Variants in NUP155 observed in about 807,000 individuals in gnomAD.
NUP155 encodes the protein nucleoporin 155.
A neutral mutation model predicts 180.4 loss-of-function variants in NUP155; 71 were observed. That is an observed-to-expected ratio of 0.39 (90% CI 0.33 to 0.48). The LOEUF is 0.48. Ranked by LOEUF, NUP155 falls within the 20% of genes least tolerant of loss-of-function variation. The probability of loss-of-function intolerance (pLI) is 0.91; values close to 1 mark genes in which losing one functional copy is unlikely to be tolerated. For synonymous variants in NUP155, 582 were observed against 559.5 expected, an observed-to-expected ratio of 1.04 and a Z score of -0.57; for missense variants, 1,553 against 1,648.9, an observed-to-expected ratio of 0.94 and a Z score of 1.01.
intron 24 of NUP155, 128 bp from the exon 25 acceptor site, chr5:37,307,560 A>G: frequency 1.1e-6 from 1 of 893,844 alleles, no homozygotes; most frequent in Non-Finnish European, 1.8e-6. Flanking sequence ...CTGCTAACAT[A>G]AAATATTTCT....
At chr5:37,308,437 A>G (rs1743305963) in intron 24 of NUP155, among the ~76,000 whole-genome samples, 1 of 151,784 alleles carries the variant, frequency 6.6e-6, no homozygotes, top group Admixed American at 6.6e-5. Flanking sequence ...GGTGGCTCAC[A>G]CCTGTAATCC....
chr5:37,326,488 A>G (rs182746949), intron 18 of NUP155, among the ~76,000 whole-genome samples: 171 of 152,282 alleles, frequency 1.1e-3, no homozygotes, highest in Non-Finnish European at 1.8e-3. Context: ...GGCCAAGTGA[A>G]TAAGGCGGAA....
chr5:37,295,893 G>A (rs1298300571), intron 32 of NUP155, among the ~76,000 whole-genome samples: 15 of 141,718 alleles, frequency 1.1e-4, no homozygotes, highest in African/African-American at 3.6e-4. Context: ...TCAGCCCCCC[G>A]CCTGGCCAGC....
chr5:37,351,293 G>C lies in NUP155; in HGVS notation c.620C>G (p.Ser207Cys). 2 of 1,611,840 alleles carry C rather than the reference G, an allele frequency of 1.2e-6. No individual in the cohort carries two copies. The highest frequency in any genetic ancestry group is 4.5e-5 in the East Asian group (2 of 44,816). ...AAGGTAAGTATTATCAGTAGGAAGAGAATATAAAGGATCTGGAAGCAACTG... is the reference window on the plus strand; with the variant it reads ...AAGGTAAGTATTATCAGTAGGAAGACAATATAAAGGATCTGGAAGCAACTG... ...GMQLLPDPLYSLPTDNTYLLT... is the reference protein window; with the variant it reads ...GMQLLPDPLYCLPTDNTYLLT... The change falls in exon 6 of 35, where the codon TCT (serine) becomes TGT (cysteine). Residue 207 changes from serine to cysteine, a missense_variant. Ser to Cys is a moderately radical substitution (Grantham distance 112, BLOSUM62 -1). Coordinates refer to ENST00000231498, the MANE Select transcript of NUP155 (RefSeq NM_153485.3).
chr5:37,370,599 G>A (rs1747896483), intron 1 of NUP155: 3 of 1,369,902 alleles, frequency 2.2e-6, no homozygotes, highest in South Asian at 1.5e-5. Flanking sequence ...TGCTTCAACT[G>A]GGAGCTTGCT....
At chr5:37,294,574 A>G (rs1006120277) in intron 32 of NUP155, 109 bp from the exon 33 acceptor site, 5 of 1,135,512 alleles carry the variant, frequency 4.4e-6, no homozygotes, top group Non-Finnish European at 6.4e-6. Context: ...CTGAAATCCA[A>G]TTGCAATTTT....
intron 23 of NUP155, 164 bp from the exon 24 acceptor site, chr5:37,309,431 G>A (rs1320139121): frequency 1.6e-6 from 1 of 628,074 alleles, no homozygotes; most frequent in African/African-American, 1.8e-5. Context: ...AAAAGTTTTT[G>A]ACCAAAGATT....
At chr5:37,347,021 A>G (rs1295103257) in intron 9 of NUP155, among the ~76,000 whole-genome samples, 1 of 152,076 alleles carries the variant, frequency 6.6e-6, no homozygotes, top group African/African-American at 2.4e-5. Context: ...TGAGTCCAGG[A>G]GTTCAAGACC....
At chr5:37,357,399 C>CAAAAAAAAAAAAAAAA in intron 4 of NUP155, among the ~76,000 whole-genome samples, 1 of 31,300 alleles carries the variant, frequency 3.2e-5, no homozygotes, top group Admixed American at 5.8e-4. Context: ...ACCTTAATCT[C>CAAAAAAAAAAAAAAAA]AAAAAAAAAA....
At chr5:37,339,293 A>G (rs529239351) in intron 11 of NUP155, among the ~76,000 whole-genome samples, 183 of 148,120 alleles carry the variant, frequency 1.2e-3, no homozygotes, top group African/African-American at 4.2e-3. Context: ...CTTGGGTGAC[A>G]GTAGACACTG....
At chr5:37,333,960 C>A (rs575813963) in intron 12 of NUP155, among the ~76,000 whole-genome samples, 2 of 151,924 alleles carry the variant, frequency 1.3e-5, no homozygotes, top group Admixed American at 1.3e-4. Flanking sequence ...TGTCACCACG[C>A]CCAGCTAATT....
intron 20 of NUP155, among the ~76,000 whole-genome samples, chr5:37,322,949 G>A (rs1211220364): frequency 6.6e-6 from 1 of 151,338 alleles, no homozygotes; most frequent in Non-Finnish European, 1.5e-5. Flanking sequence ...CTCCAGCCTG[G>A]GCGACAAGAG....
In NUP155 at chr5:37,342,653, G is replaced by T. The variant is rs374547686; in HGVS notation, c.996-7C>A. 3 of 1,548,030 alleles carry T rather than the reference G, an allele frequency of 1.9e-6. No individual in the cohort carries two copies. The Admixed American group carries it at 5.0e-5, about 26-fold the overall frequency. The stretch of plus-strand genomic sequence containing the variant: ...AACAGAACGATCGATGGTCCTAAAA[G>T]AAAGGAGAAAATAAAGTGTATTTTT... On this transcript the variant is annotated splice_polypyrimidine_tract_variant and splice_region_variant and intron_variant, in intron 9 of 34. Transcript: ENST00000231498.
At position 37,290,103 on chromosome 5, in the gene NUP155, T is replaced by C. The variant is rs1261205757; in HGVS notation, c.*1797A>G. 3.9e-5 allele frequency: 6 copies of C among 152,280 alleles called. No individual in the cohort carries two copies. In the South Asian group the frequency reaches 8.3e-4, roughly 21 times the overall value. The allele number at this position is 152,280 out of a possible 1,614,324, so 9.4% of individuals were successfully genotyped here. On this transcript the variant is annotated 3_prime_UTR_variant, in exon 35 of 35. Coordinates refer to ENST00000231498, the MANE Select transcript of NUP155 (RefSeq NM_153485.3). ...AAAGACAATAATGGAAGGAAAAATA[T>C]ATTCAAAATGTATTGTACAAATTGT...
intron 9 of NUP155, among the ~76,000 whole-genome samples, chr5:37,346,334 C>T (rs1422301811): frequency 6.6e-6 from 1 of 151,906 alleles, no homozygotes; most frequent in African/African-American, 2.4e-5. Flanking sequence ...AATCTAGGCA[C>T]AATGACAATA....
In NUP155 at chr5:37,304,808, C is replaced by T. The variant is rs746982345; in HGVS notation, c.3093G>A (p.Lys1031=). The T allele has an allele frequency of 6.2e-7, 1 of 1,613,978 alleles. No homozygotes were observed. Among genetic ancestry groups the T allele is most frequent in the Non-Finnish European group, 8.5e-7 (1 of 1,179,948 alleles). ...EQMLKLSQRS[K]DELFSIALYN... ...AAAGGGCAATACTAAAGAGCTCATC[C>T]TTGGATCGCTGTGACAATTTAAGCA... Residue 1031 remains lysine (K), a synonymous_variant, in exon 27 of 35, where the codon AAG becomes AAA. Coordinates refer to ENST00000231498, the MANE Select transcript of NUP155 (RefSeq NM_153485.3).
chr5:37,331,535 T>C (rs190783758), intron 14 of NUP155, 150 bp downstream of exon 14: 213 of 425,622 alleles, frequency 5.0e-4, no homozygotes, highest in South Asian at 6.6e-4. Flanking sequence ...GATTGCGCCA[T>C]TGCACTCCTG....
At chr5:37,340,277 C>T (rs951182478) in intron 11 of NUP155, among the ~76,000 whole-genome samples, 1 of 151,868 alleles carries the variant, frequency 6.6e-6, no homozygotes, top group Admixed American at 6.6e-5. Flanking sequence ...CCTATCTCTA[C>T]AAAAAGTACA....
Position 37,333,454 on chromosome 5 carries a change from C to G in NUP155, c.1518+9G>C, listed in dbSNP as rs368724959. 8 of 1,612,100 alleles carry G rather than the reference C, an allele frequency of 5.0e-6. No individual in the cohort carries two copies. The South Asian group carries it at 6.6e-5, about 13-fold the overall frequency. On this transcript the variant is annotated intron_variant, in intron 13 of 34. Transcript: ENST00000231498. ...TTTTTGTCACTACCATAACAGAATA[C>G]GTACACACCTGTGCTGAGAGGAGAA...
Sources: allele counts gnomAD v4.1 joint callset (sites outside exome capture counted in the v4.1 genomes callset), GRCh38; gene constraint gnomAD v4.1.1; transcripts MANE v1.5; gene names NCBI Gene and HGNC (gene_info 2026-07-23, HGNC 2026-07-21).